Variants in GTF3C1 observed in about 807,000 individuals in gnomAD.
The protein encoded by GTF3C1 is general transcription factor IIIC subunit 1.
Under a neutral mutation model 226.7 loss-of-function variants are expected in GTF3C1, and 57 were observed. The observed-to-expected ratio is 0.25, with a 90% CI of 0.20 to 0.31. GTF3C1 has a LOEUF of 0.31. GTF3C1 is among the 10% of genes least tolerant of loss of function. The probability of loss-of-function intolerance (pLI) is 1.00; values close to 1 mark genes in which losing one functional copy is unlikely to be tolerated. For missense variants in GTF3C1, 2,217 were observed against 2,776.1 expected (o/e 0.80, Z 4.53); for synonymous variants, 1,090 against 1,084.8 (o/e 1.00, Z -0.09).
At chr16:27,524,834 G>C (rs2088805419) in intron 6 of GTF3C1, among the ~76,000 whole-genome samples, 1 of 152,214 alleles carries the variant, frequency 6.6e-6, no homozygotes, top group East Asian at 1.9e-4. Flanking sequence ...TGAGTATTTA[G>C]GTATTCAGGC....
chr16:27,492,534 C>G lies in GTF3C1; in HGVS notation c.2974-19G>C. 1 of 1,601,714 alleles carries G rather than the reference C, an allele frequency of 6.2e-7. No individual in the cohort carries two copies. Among genetic ancestry groups the G allele is most frequent in the Non-Finnish European group, 8.6e-7 (1 of 1,168,790 alleles). On this transcript the variant is annotated intron_variant, in intron 18 of 36. Coordinates refer to ENST00000356183, the MANE Select transcript of GTF3C1 (RefSeq NM_001520.4). This position sits in a 1 kb window ranked among gnomAD's most constrained non-coding sequence, Gnocchi z 5.0. ...TAAAGACCTAAGGGGAGACACCAGA[C>G]AGGGAGAACCCACATTGGGTCTGGC...
chr16:27,504,687 G>A (rs1019764690), intron 10 of GTF3C1, among the ~76,000 whole-genome samples: 4 of 152,006 alleles, frequency 2.6e-5, no homozygotes, highest in African/African-American at 9.7e-5. Flanking sequence ...AGGCTAAGGC[G>A]GGAGGATCAC....
At chr16:27,495,107 G>C (rs1338234296) in intron 15 of GTF3C1, 104 bp downstream of exon 15, 6 of 935,068 alleles carry the variant, frequency 6.4e-6, no homozygotes, top group Admixed American at 2.1e-5. Context: ...TTGGATCAGA[G>C]GCTGCAGCCA....
At position 27,461,107 on chromosome 16, in the gene GTF3C1, T is replaced by C. The variant is rs2087696043; in HGVS notation, c.*243A>G. On this transcript the variant is annotated 3_prime_UTR_variant, in exon 37 of 37. Coordinates refer to ENST00000356183, the MANE Select transcript of GTF3C1 (RefSeq NM_001520.4). This position sits in a 1 kb window ranked among gnomAD's most constrained non-coding sequence, Gnocchi z 5.3. ...CAAGAAGCACCAACTCCCAGTGTGA[T>C]GAGGCCAGTTCCCAAGGGGAAGGCC... 2.2e-6 allele frequency: 1 copy of C among 454,476 alleles called. No individual in the cohort carries two copies. The highest frequency in any genetic ancestry group is 3.2e-5 in the East Asian group (1 of 31,070). The allele number at this position is 454,476 out of a possible 1,614,324, so 28.2% of individuals were successfully genotyped here.
Position 27,462,469 on chromosome 16 carries a change from C to T in GTF3C1, c.5942G>A (p.Cys1981Tyr). The change falls in exon 36 of 37, where the codon TGC (cysteine) becomes TAC (tyrosine). Residue 1981 changes from cysteine to tyrosine, a missense_variant. Cys to Tyr is a radical substitution (Grantham distance 194). Around this residue, in one of 12 missense-constraint regions of GTF3C1, gnomAD observed 153 missense variants for 199.8 expected, o/e 0.77. Transcript: ENST00000356183. This position sits in a 1 kb window ranked among gnomAD's most constrained non-coding sequence, Gnocchi z 4.5. ...AARERDCESV[C>Y]FIGRPWRVVD... The stretch of plus-strand genomic sequence containing the variant: ...GACACGCCACGGCCGGCCGATGAAG[C>T]AGACACTCTCACAGTCCCTGCAGGG... The T allele has an allele frequency of 6.2e-7, 1 of 1,613,712 alleles. No individual in the cohort carries two copies. The highest frequency in any genetic ancestry group is 8.5e-7 in the Non-Finnish European group (1 of 1,179,728).
intron 10 of GTF3C1, among the ~76,000 whole-genome samples, chr16:27,504,868 C>T (rs963780985): frequency 6.6e-6 from 1 of 152,166 alleles, no homozygotes; most frequent in Non-Finnish European, 1.5e-5. Flanking sequence ...GAGGCAGAGG[C>T]TGCAGTGAGC....
rs764278754 is a variant in GTF3C1, at chr16:27,465,358, C to T, written c.5257G>A (p.Gly1753Ser). The T allele has an allele frequency of 1.2e-6, 2 of 1,614,030 alleles. No individual in the cohort carries two copies. Among genetic ancestry groups the T allele is most frequent in the East Asian group, 2.2e-5 (1 of 44,894 alleles). ...LEILEAIIAT[G>S]CFGIDKEELR... ...TCCTCCTTGTCAATCCCAAAACAACCCGTGGCTATAATGGCTTCCAAGATC... is the reference window on the plus strand; with the variant it reads ...TCCTCCTTGTCAATCCCAAAACAACTCGTGGCTATAATGGCTTCCAAGATC... The change falls in exon 33 of 37, where the codon GGT becomes AGT. Residue 1753 changes from glycine (G) to serine (S), a missense_variant. Gly to Ser is a moderately conservative substitution (Grantham distance 56). Coordinates refer to ENST00000356183, the MANE Select transcript of GTF3C1 (RefSeq NM_001520.4).
intron 27 of GTF3C1, among the ~76,000 whole-genome samples, chr16:27,480,488 G>C (rs563768897): frequency 2.8e-4 from 43 of 152,306 alleles, no homozygotes; most frequent in African/African-American, 8.9e-4. Context: ...GAAATGTTGA[G>C]AGCAAGGGTG....
chr16:27,498,805 C>T (rs1456773130), intron 12 of GTF3C1, 72 bp from the exon 13 acceptor site: 2 of 790,736 alleles, frequency 2.5e-6, no homozygotes, highest in Non-Finnish European at 4.6e-6. Flanking sequence ...ACAGTCGATT[C>T]CTAGTGGAAC....
chr16:27,497,836 A>G lies in GTF3C1; in HGVS notation c.2166-15T>C, dbSNP rs201091828. 5.0e-6 allele frequency: 8 copies of G among 1,600,518 alleles called. No individual in the cohort carries two copies. Among genetic ancestry groups the G allele is most frequent in the Non-Finnish European group, 6.8e-6 (8 of 1,170,340 alleles). On this transcript the variant is annotated splice_polypyrimidine_tract_variant and intron_variant, in intron 13 of 36. Transcript: ENST00000356183. The stretch of plus-strand genomic sequence containing the variant: ...AAGTTTTAACCCTGCAGTTCAAATA[A>G]ACATGCAATAATGTACTGAGAAAAT...
At chr16:27,489,262 TATTTATAACCA>T in intron 20 of GTF3C1, 84 bp from the exon 21 acceptor site, 1 of 1,462,312 alleles carries the variant, frequency 6.8e-7, no homozygotes, top group Non-Finnish European at 9.4e-7. Flanking sequence ...GAGGGACATT[TATTTATAACCA>T]ACTTTCACCT....
intron 19 of GTF3C1, 22 bp from the exon 20 acceptor site, chr16:27,489,765 T>A (rs1329022966): frequency 6.2e-7 from 1 of 1,605,166 alleles, no homozygotes; most frequent in Non-Finnish European, 8.5e-7. Context: ...AACATCAGGG[T>A]GACCAATCAC....
chr16:27,538,572 CA>C (rs1363384414), intron 2 of GTF3C1, among the ~76,000 whole-genome samples: 1 of 152,162 alleles, frequency 6.6e-6, no homozygotes, highest in Non-Finnish European at 1.5e-5. Flanking sequence ...GCTGAAGGAA[CA>C]GAGCCAATCT....
At chr16:27,519,634 T>C (rs1425956221) in intron 6 of GTF3C1, among the ~76,000 whole-genome samples, 3 of 152,060 alleles carry the variant, frequency 2.0e-5, no homozygotes, top group Non-Finnish European at 4.4e-5. Context: ...CTCTGTGACC[T>C]TGGGCAAGGG....
chr16:27,481,329 G>A, intron 26 of GTF3C1, 138 bp from the exon 27 acceptor site: 1 of 686,794 alleles, frequency 1.5e-6, no homozygotes, highest in South Asian at 1.7e-5. Flanking sequence ...GCCTCCCCTG[G>A]TCACCTGTCA....
chr16:27,483,140 G>A lies in GTF3C1; in HGVS notation c.4002-15C>T, dbSNP rs188072418. 1.2e-6 allele frequency: 2 copies of A among 1,612,504 alleles called. No homozygotes were observed. The highest frequency in any genetic ancestry group is 1.3e-5 in the African/African-American group (1 of 75,052). On this transcript the variant is annotated splice_polypyrimidine_tract_variant and intron_variant, in intron 25 of 36. Transcript: ENST00000356183. ...CCAGGCACACTCTGCAGGAAGAGGAGACAAAGCTGAAGTCTGGGAATTGCA... is the reference window on the plus strand; with the variant it reads ...CCAGGCACACTCTGCAGGAAGAGGAAACAAAGCTGAAGTCTGGGAATTGCA...
chr16:27,539,004 CTTTTTTTTTTT>C (rs899984965), intron 2 of GTF3C1, among the ~76,000 whole-genome samples: 5 of 103,914 alleles, frequency 4.8e-5, no homozygotes, highest in Non-Finnish European at 7.8e-5. Context: ...ACACACTCAT[CTTTTTTTTTTT>C]TTTTTTTTTT....
rs373154943 is a variant in GTF3C1, at chr16:27,492,350, T to C, written c.3139A>G (p.Asn1047Asp). ...YWFDLQCVCLNTPLGVVRCPR... is the reference protein window; with the variant it reads ...YWFDLQCVCLDTPLGVVRCPR... Reference sequence around the variant, plus strand: ...AGCCGACACCCACCTAGTGGGGTGTTGAGGCAGACGCACTGCAGGTCAAAC... The same window carrying C: ...AGCCGACACCCACCTAGTGGGGTGTCGAGGCAGACGCACTGCAGGTCAAAC... Residue 1047 changes from asparagine (N) to aspartate (D), a missense_variant, in exon 19 of 37, where the codon AAC becomes GAC. Asn to Asp is a conservative substitution (Grantham distance 23, BLOSUM62 1). Coordinates refer to ENST00000356183, the MANE Select transcript of GTF3C1 (RefSeq NM_001520.4). The surrounding 1 kb of genome is among the most constrained non-coding windows in gnomAD (Gnocchi z 5.0). 6.3e-7 allele frequency: 1 copy of C among 1,595,876 alleles called. No individual in the cohort carries two copies. The highest frequency in any genetic ancestry group is 1.3e-5 in the African/African-American group (1 of 74,326).
rs1410775029 is a variant in GTF3C1 at position 27,464,447 on chromosome 16, A to G, written c.5745T>C (p.Ala1915=). ...AEAQAPSPPP[A]LEDTAAAGAA... ...CTCCCGCTGCAGCGGTGTCTTCAAGAGCTGGGGGTGGAGATGGGGCCTGGG... is the reference window on the plus strand; with the variant it reads ...CTCCCGCTGCAGCGGTGTCTTCAAGGGCTGGGGGTGGAGATGGGGCCTGGG... The change falls in exon 34 of 37, where the codon GCT becomes GCC. Residue 1915 remains alanine (A), a synonymous_variant. Transcript: ENST00000356183. The G allele has an allele frequency of 1.2e-6, 2 of 1,600,086 alleles. No individual in the cohort carries two copies. Among genetic ancestry groups the G allele is most frequent in the South Asian group, 1.1e-5 (1 of 88,980 alleles).
Sources: gnomAD v4.1 joint callset for allele counts (sites outside exome capture counted in the v4.1 genomes callset) on GRCh38, gnomAD v4.1.1 for gene constraint, gnomAD v4.1.1 regional missense constraint, Gnocchi (gnomAD v3.1) non-coding constraint, MANE v1.5 for transcripts, NCBI Gene and HGNC (gene_info 2026-07-23, HGNC 2026-07-21) for gene names.